The following FAT3 variants were observed in gnomAD, a reference collection of about 807,000 sequenced individuals.
The protein encoded by FAT3 is FAT atypical cadherin 3, also known as protocadherin Fat 3.
A neutral mutation model predicts 310.2 loss-of-function variants in FAT3; 95 were observed. That is an observed-to-expected ratio of 0.31 (90% CI 0.26 to 0.36). FAT3 has a LOEUF of 0.36. FAT3 is among the 10% of genes least tolerant of loss of function. FAT3 has a pLI of 1.00. For missense variants in FAT3, 5,408 were observed against 5,715.6 expected (o/e 0.95, Z 1.74); for synonymous variants, 2,314 against 2,192.9 (o/e 1.06, Z -1.54).
intron 2 of FAT3, among the ~76,000 whole-genome samples, chr11:92,389,680 A>G (rs563857347): frequency 6.6e-6 from 1 of 152,312 alleles, no homozygotes; most frequent in East Asian, 1.9e-4. Flanking sequence ...TAATCTTCAC[A>G]GTAGCAGTTA....
chr11:92,435,636 G>A (rs1950919827), intron 2 of FAT3, among the ~76,000 whole-genome samples: 1 of 149,840 alleles, frequency 6.7e-6, no homozygotes, highest in Non-Finnish European at 1.5e-5. Context: ...TGCCATCTTG[G>A]CTCATTGCGA....
chr11:92,329,361 C>A (rs1947848200), intron 1 of FAT3, among the ~76,000 whole-genome samples: 1 of 152,066 alleles, frequency 6.6e-6, no homozygotes, highest in Middle Eastern at 3.4e-3. Flanking sequence ...CTGGCATCTC[C>A]CCTTTTGCTC....
At chr11:92,875,882 T>C (rs572114267) in intron 22 of FAT3, among the ~76,000 whole-genome samples, 20 of 152,332 alleles carry the variant, frequency 1.3e-4, no homozygotes, top group African/African-American at 2.6e-4. Flanking sequence ...AAAATTGTGC[T>C]CTAGAGGTAG....
At chr11:92,610,675 A>C (rs376797088) in intron 3 of FAT3, among the ~76,000 whole-genome samples, 2 of 152,140 alleles carry the variant, frequency 1.3e-5, no homozygotes, top group African/African-American at 4.8e-5. Context: ...TATGATCCCA[A>C]AGCATCCACC....
chr11:92,331,001 T>A lies in FAT3; in HGVS notation c.-17-21095T>A, dbSNP rs200343112. On this transcript the variant is annotated intron_variant, in intron 1 of 27. Coordinates refer to ENST00000525166, the MANE Select transcript of FAT3 (RefSeq NM_001367949.2). ...GTGTGTGTGTGTGTGTGTGTGTGTG[T>A]GTGAGAGAGAGAGAGAGAGAAACAT... Among the ~76,000 whole-genome samples, 163 of 117,786 alleles carry A rather than the reference T, an allele frequency of 1.4e-3. 1 individual carries two copies. Among genetic ancestry groups the A allele is most frequent in the East Asian group, 7.9e-3 (36 of 4,548 alleles). 77.3% of individuals were successfully genotyped at this position (117,786 alleles called of 152,430 possible).
chr11:92,799,793 C>T lies in FAT3; in HGVS notation c.6780C>T (p.Ala2260=), dbSNP rs1253510034. ...VTSAYKLTIR[A]SDALTGARAE... ...CTGCTTACAAGCTGACAATAAGAGC[C>T]AGCGACGCCCTTACTGGTGCTAGGG... Residue 2260 remains alanine (A), a synonymous_variant, in exon 10 of 28, where the codon GCC becomes GCT. Coordinates refer to ENST00000525166, the MANE Select transcript of FAT3 (RefSeq NM_001367949.2). The T allele has an allele frequency of 6.2e-7, 1 of 1,612,904 alleles. No individual in the cohort carries two copies. Among genetic ancestry groups the T allele is most frequent in the Non-Finnish European group, 8.5e-7 (1 of 1,179,396 alleles).
chr11:92,226,263 C>T (rs1278346262), intron 1 of FAT3, among the ~76,000 whole-genome samples: 1 of 152,220 alleles, frequency 6.6e-6, no homozygotes, highest in African/African-American at 2.4e-5. Flanking sequence ...ATATTTTTAG[C>T]TGTGCTGTGA....
chr11:92,260,109 C>T (rs960241971), intron 1 of FAT3, among the ~76,000 whole-genome samples: 2 of 152,152 alleles, frequency 1.3e-5, no homozygotes, highest in Non-Finnish European at 2.9e-5. Flanking sequence ...AACCTGTCAG[C>T]GTGACCCGGT....
intron 1 of FAT3, among the ~76,000 whole-genome samples, chr11:92,226,468 A>C (rs2134213797): frequency 6.6e-6 from 1 of 151,928 alleles, no homozygotes; most frequent in Non-Finnish European, 1.5e-5. Context: ...GCTGCGAGCT[A>C]AGAGAGCCGC....
At chr11:92,743,230 C>G (rs1945558662) in intron 4 of FAT3, among the ~76,000 whole-genome samples, 1 of 152,156 alleles carries the variant, frequency 6.6e-6, no homozygotes. Flanking sequence ...GATCCTGGCC[C>G]CTCTTTTAAG....
At chr11:92,793,703 C>T (rs533895234) in intron 9 of FAT3, among the ~76,000 whole-genome samples, 2 of 152,226 alleles carry the variant, frequency 1.3e-5, no homozygotes, top group African/African-American at 4.8e-5. Context: ...TCTATGTTCT[C>T]CTCCCCATTC....
At chr11:92,483,711 C>T (rs753754991) in intron 2 of FAT3, among the ~76,000 whole-genome samples, 2 of 119,652 alleles carry the variant, frequency 1.7e-5, no homozygotes, top group Admixed American at 9.6e-5. Context: ...CAATGATATG[C>T]GTGTAAGGTA....
chr11:92,848,414 T>C (rs867477007), intron 19 of FAT3, among the ~76,000 whole-genome samples: 3 of 152,236 alleles, frequency 2.0e-5, no homozygotes, highest in Middle Eastern at 3.4e-3. Context: ...GACACCAACT[T>C]AAATTAATTG....
At chr11:92,600,881 G>T (rs1457228945) in intron 3 of FAT3, among the ~76,000 whole-genome samples, 1 of 152,154 alleles carries the variant, frequency 6.6e-6, no homozygotes, top group African/African-American at 2.4e-5. Flanking sequence ...TTAAAGGTAA[G>T]ATTTCAGTTG....
At chr11:92,851,698 G>A (rs545365102) in intron 19 of FAT3, among the ~76,000 whole-genome samples, 1 of 152,220 alleles carries the variant, frequency 6.6e-6, no homozygotes, top group African/African-American at 2.4e-5. Context: ...GCTTACTGTG[G>A]TACCAAATTG....
intron 21 of FAT3, among the ~76,000 whole-genome samples, chr11:92,861,613 T>C (rs1426916342): frequency 2.0e-5 from 3 of 152,226 alleles, no homozygotes; most frequent in Non-Finnish European, 2.9e-5. Context: ...CCAATCTGTC[T>C]GTTCTGTAAG....
chr11:92,824,799 G>A (rs1391287459), intron 13 of FAT3, among the ~76,000 whole-genome samples: 1 of 151,540 alleles, frequency 6.6e-6, no homozygotes, highest in Non-Finnish European at 1.5e-5. Flanking sequence ...CACAAAACTA[G>A]GCTCATAAAC....
intron 19 of FAT3, among the ~76,000 whole-genome samples, chr11:92,846,222 G>T (rs1022778980): frequency 1.3e-5 from 2 of 152,094 alleles, no homozygotes; most frequent in Non-Finnish European, 1.5e-5. Flanking sequence ...CCCTGAAGAC[G>T]AAACTATACC....
chr11:92,451,065 T>G (rs533334541), intron 2 of FAT3, among the ~76,000 whole-genome samples: 1 of 152,316 alleles, frequency 6.6e-6, no homozygotes, highest in African/African-American at 2.4e-5. Flanking sequence ...TCCTCTTTGC[T>G]GAACCTCCAA....
Sources: allele counts gnomAD v4.1 joint callset (sites outside exome capture counted in the v4.1 genomes callset), GRCh38; gene constraint gnomAD v4.1.1; transcripts MANE v1.5; gene names NCBI Gene and HGNC (gene_info 2026-07-23, HGNC 2026-07-21).